GABRA1: variants seen among roughly 807,000 people sequenced by gnomAD.
GABRA1 encodes gamma-aminobutyric acid type A receptor subunit alpha1, also known as gamma-aminobutyric acid receptor subunit alpha-1.
Under a neutral mutation model 48.9 loss-of-function variants are expected in GABRA1, and 9 were observed. The observed-to-expected ratio is 0.18, with a 90% CI of 0.11 to 0.32. The LOEUF is 0.32. Ranked by LOEUF, GABRA1 falls within the 10% of genes least tolerant of loss-of-function variation. The pLI, the probability that GABRA1 is intolerant of heterozygous loss-of-function variation, is 1.00. For missense variants in GABRA1, 285 were observed against 553.8 expected (o/e 0.51, Z 4.87); for synonymous variants, 210 against 198.7 (o/e 1.06, Z -0.48).
At chr5:161,852,939 G>T (rs1757508539) in intron 2 of GABRA1, among the ~76,000 whole-genome samples, 1 of 151,884 alleles carries the variant, frequency 6.6e-6, no homozygotes, top group African/African-American at 2.4e-5. Flanking sequence ...GGCTTCAAAT[G>T]TTACTATTTT....
chr5:161,860,632 G>A (rs570050052), intron 3 of GABRA1, among the ~76,000 whole-genome samples: 1 of 135,554 alleles, frequency 7.4e-6, no homozygotes, highest in South Asian at 2.7e-4. Flanking sequence ...ATAACTAAAA[G>A]AGTATAATTG....
rs4608967 is a variant in GABRA1, at chr5:161,848,407, C to T, written c.-31C>T. 0.13 allele frequency: 20,481 copies of T among 151,944 alleles called. 1,623 individuals are homozygous for T. Among genetic ancestry groups the T allele is most frequent in the East Asian group, 0.28 (1,404 of 5,016 alleles). The allele number at this position is 151,944 out of a possible 1,614,324, so 9.4% of individuals were successfully genotyped here. A position where few individuals can be genotyped will look rare whatever the true frequency, so the allele number is the denominator to read the frequency against. ...TCCCCGGTCTTAAGAGATCCTGTGTCCAGAGGGGGCCTTAGGTAAGTGCGA... is the reference window on the plus strand; with the variant it reads ...TCCCCGGTCTTAAGAGATCCTGTGTTCAGAGGGGGCCTTAGGTAAGTGCGA... On this transcript the variant is annotated 5_prime_UTR_variant, in exon 1 of 10. Coordinates refer to ENST00000393943, the MANE Select transcript of GABRA1 (RefSeq NM_001127644.2).
chr5:161,876,607 A>G (rs1021253948), intron 6 of GABRA1, among the ~76,000 whole-genome samples: 1 of 152,158 alleles, frequency 6.6e-6, no homozygotes, highest in East Asian at 1.9e-4. Context: ...TGGAGAGAGA[A>G]TTTTATTTAT....
intron 9 of GABRA1, 61 bp from the exon 10 acceptor site, chr5:161,897,049 CA>C: frequency 6.6e-7 from 1 of 1,516,888 alleles, no homozygotes; most frequent in Non-Finnish European, 9.1e-7. Context: ...CCTTGCTCAG[CA>C]ACTTATAATT....
At chr5:161,882,387 A>T in intron 6 of GABRA1, 171 bp from the exon 7 acceptor site, 1 of 646,306 alleles carries the variant, frequency 1.5e-6, no homozygotes, top group South Asian at 1.9e-5. Flanking sequence ...TAAAAAAAAA[A>T]AATCAGAAAA....
intron 6 of GABRA1, among the ~76,000 whole-genome samples, chr5:161,877,699 C>A (rs975100279): frequency 6.6e-6 from 1 of 151,964 alleles, no homozygotes; most frequent in Admixed American, 6.6e-5. Context: ...ACATTGTCAA[C>A]CTGAAGAATA....
intron 4 of GABRA1, among the ~76,000 whole-genome samples, chr5:161,872,850 T>A (rs950222583): frequency 1.3e-5 from 2 of 152,262 alleles, no homozygotes; most frequent in Non-Finnish European, 2.9e-5. Flanking sequence ...TTACTTTCCT[T>A]TTACATATCT....
intron 3 of GABRA1, among the ~76,000 whole-genome samples, chr5:161,856,696 A>AT (rs1202399230): frequency 1.3e-5 from 2 of 151,110 alleles, no homozygotes; most frequent in East Asian, 1.9e-4. Context: ...TTTTTTTGGA[A>AT]TTTTTTTTAA....
chr5:161,887,187 T>A (rs1754886628), intron 7 of GABRA1, among the ~76,000 whole-genome samples: 1 of 152,208 alleles, frequency 6.6e-6, no homozygotes, highest in South Asian at 2.1e-4. Flanking sequence ...TTCTTCTGAA[T>A]GACTATTGTT....
At chr5:161,863,468 C>A (rs1345185262) in intron 3 of GABRA1, among the ~76,000 whole-genome samples, 1 of 151,800 alleles carries the variant, frequency 6.6e-6, no homozygotes, top group Admixed American at 6.6e-5. Flanking sequence ...AGAGAGAGAG[C>A]CACACACTTT....
intron 8 of GABRA1, among the ~76,000 whole-genome samples, chr5:161,893,324 T>G (rs974289082): frequency 3.9e-5 from 6 of 152,088 alleles, no homozygotes; most frequent in Admixed American, 3.3e-4. Context: ...ATTTTTGTGT[T>G]TCAAGTTTTA....
At chr5:161,883,033 C>T (rs183739626) in intron 7 of GABRA1, among the ~76,000 whole-genome samples, 3 of 152,264 alleles carry the variant, frequency 2.0e-5, no homozygotes, top group Admixed American at 1.3e-4. Context: ...TGTTTGTAGT[C>T]CCCTTGCAGG....
chr5:161,865,833 A>T (rs891063869), intron 4 of GABRA1, 45 bp downstream of exon 4: 1 of 1,541,580 alleles, frequency 6.5e-7, no homozygotes, highest in Non-Finnish European at 9.0e-7. Context: ...AATTTTTAAA[A>T]TTTAACTTTT....
At chr5:161,853,824 T>C in intron 2 of GABRA1, 1 of 171,754 alleles carries the variant, frequency 5.8e-6, no homozygotes, top group African/African-American at 2.7e-5. Context: ...TTCCTAGGTT[T>C]GTTTTCTCTA....
At chr5:161,851,294 A>G (rs557075150) in intron 2 of GABRA1, among the ~76,000 whole-genome samples, 1 of 152,292 alleles carries the variant, frequency 6.6e-6, no homozygotes, top group Non-Finnish European at 1.5e-5. Context: ...GTTTATAGAA[A>G]TGGAAAGTTT....
chr5:161,848,528 C>CGGGGGGGGGG (rs1450654848), intron 1 of GABRA1, 106 bp downstream of exon 1: 1 of 5,502 alleles, frequency 1.8e-4, no homozygotes, highest in Non-Finnish European at 3.4e-4. Flanking sequence ...CGGGGGGAGA[C>CGGGGGGGGGG]GGGGGGAGAG....
intron 3 of GABRA1, among the ~76,000 whole-genome samples, chr5:161,855,597 A>G (rs1474774326): frequency 6.6e-6 from 1 of 151,524 alleles, no homozygotes; most frequent in Non-Finnish European, 1.5e-5. Context: ...TTTGTATATG[A>G]TATGTTAAAA....
At chr5:161,849,171 G>C in intron 1 of GABRA1, 1 of 256,138 alleles carries the variant, frequency 3.9e-6, no homozygotes, top group Non-Finnish European at 7.8e-6. Context: ...TGCCATGATA[G>C]GTTTGTTTTT....
At chr5:161,892,496 A>G (rs974921105) in intron 8 of GABRA1, among the ~76,000 whole-genome samples, 2 of 152,246 alleles carry the variant, frequency 1.3e-5, no homozygotes, top group African/African-American at 4.8e-5. Context: ...CTAAGCATAT[A>G]GCTAAATTAA....
Sources: gnomAD v4.1 joint callset for allele counts (sites outside exome capture counted in the v4.1 genomes callset) on GRCh38, gnomAD v4.1.1 for gene constraint, MANE v1.5 for transcripts, NCBI Gene and HGNC (gene_info 2026-07-23, HGNC 2026-07-21) for gene names.